SMURF2: variants seen among roughly 807,000 people sequenced by gnomAD.
SMURF2 encodes E3 ubiquitin-protein ligase SMURF2.
Under a neutral mutation model 109.6 loss-of-function variants are expected in SMURF2, and 48 were observed. That is an observed-to-expected ratio of 0.44 (90% CI 0.35 to 0.56). The LOEUF (loss-of-function observed/expected upper bound fraction) is 0.56. Ranked by LOEUF, SMURF2 falls within the 20% of genes least tolerant of loss-of-function variation. SMURF2 has a pLI of 0.01. For missense variants in SMURF2, 575 were observed against 909.0 expected, an observed-to-expected ratio of 0.63 and a Z score of 4.72; for synonymous variants, 288 against 317.1, an observed-to-expected ratio of 0.91 and a Z score of 0.97.
At chr17:64,657,968 A>G (rs148905653) in intron 1 of SMURF2, among the ~76,000 whole-genome samples, 9 of 152,260 alleles carry the variant, frequency 5.9e-5, no homozygotes, top group African/African-American at 1.2e-4. Context: ...TTTAAAAGAA[A>G]AGGAAGGAGC....
chr17:64,632,436 C>T (rs1970364158), intron 1 of SMURF2, among the ~76,000 whole-genome samples: 1 of 152,168 alleles, frequency 6.6e-6, no homozygotes, highest in Admixed American at 6.5e-5. Flanking sequence ...CTCCTAACAT[C>T]AACCCTCCCA....
intron 10 of SMURF2, among the ~76,000 whole-genome samples, chr17:64,569,629 A>G (rs1969370632): frequency 6.6e-6 from 1 of 152,184 alleles, no homozygotes; most frequent in South Asian, 2.1e-4. Context: ...ATTCAAGTTA[A>G]AGTTACAATG....
intron 7 of SMURF2, among the ~76,000 whole-genome samples, chr17:64,582,409 T>A (rs184275990): frequency 3.4e-4 from 52 of 152,294 alleles, no homozygotes; most frequent in Admixed American, 4.6e-4. Context: ...AGAAGGGGAT[T>A]CAGCCACATA....
intron 1 of SMURF2, among the ~76,000 whole-genome samples, chr17:64,610,891 C>A (rs1970034752): frequency 6.6e-6 from 1 of 152,182 alleles, no homozygotes; most frequent in Non-Finnish European, 1.5e-5. Context: ...GCCCTGGAGA[C>A]CTAATTACCA....
Position 64,561,661 on chromosome 17 carries a change from A to C in SMURF2, c.1213-58T>G, listed in dbSNP as rs148916553. 2,187 of 1,302,290 alleles carry C rather than the reference A, an allele frequency of 1.7e-3. 12 individuals carry two copies. In the African/African-American group the frequency reaches 0.017, roughly 10 times the overall value. 80.7% of individuals were successfully genotyped at this position (1,302,290 alleles called of 1,614,324 possible). ...ATTAGGTCCTTTTAGCCTATTACTTAATCTCTCCCTGCCAATCCATCCAAA... is the reference window on the plus strand; with the variant it reads ...ATTAGGTCCTTTTAGCCTATTACTTCATCTCTCCCTGCCAATCCATCCAAA... On this transcript the variant is annotated intron_variant, in intron 11 of 18. Coordinates refer to ENST00000262435, the MANE Select transcript of SMURF2 (RefSeq NM_022739.4).
At chr17:64,651,711 C>T (rs1970642958) in intron 1 of SMURF2, among the ~76,000 whole-genome samples, 1 of 151,494 alleles carries the variant, frequency 6.6e-6, no homozygotes, top group Non-Finnish European at 1.5e-5. Context: ...TCACTTGAGG[C>T]CAGGAGTTCA....
chr17:64,570,062 G>A (rs1190001714), intron 10 of SMURF2, among the ~76,000 whole-genome samples: 1 of 152,086 alleles, frequency 6.6e-6, no homozygotes, highest in Non-Finnish European at 1.5e-5. Context: ...GAGACTGCCA[G>A]GATAATTATA....
chr17:64,572,024 G>T, intron 9 of SMURF2, 68 bp from the exon 10 acceptor site: 1 of 1,339,454 alleles, frequency 7.5e-7, no homozygotes, highest in Non-Finnish European at 1.0e-6. Context: ...AAGTGTAAAT[G>T]ACACAGAACA....
rs1970789889 is a variant in SMURF2 at position 64,662,079 on chromosome 17, C to T, written c.-199G>A. On this transcript the variant is annotated 5_prime_UTR_variant, in exon 1 of 19. In the 5' UTR this introduces an upstream ATG that the reference lacks. Coordinates refer to ENST00000262435, the MANE Select transcript of SMURF2 (RefSeq NM_022739.4). The stretch of plus-strand genomic sequence containing the variant: ...GACGCCGAGCTCCCCCCTCCTCCCA[C>T]TTCTCCTTCCTCGGCCCGGGCCGCA... The T allele has an allele frequency of 9.2e-7, 1 of 1,084,536 alleles. No individual in the cohort carries two copies. Among genetic ancestry groups the T allele is most frequent in the Non-Finnish European group, 1.1e-6 (1 of 893,992 alleles). The allele number at this position is 1,084,536 out of a possible 1,614,324, so 67.2% of individuals were successfully genotyped here.
At chr17:64,643,987 G>T (rs1970523515) in intron 1 of SMURF2, among the ~76,000 whole-genome samples, 1 of 151,824 alleles carries the variant, frequency 6.6e-6, no homozygotes. Flanking sequence ...CACCAAGCCT[G>T]GCTAATTTTT....
At chr17:64,605,756 T>C (rs1429753218) in intron 2 of SMURF2, among the ~76,000 whole-genome samples, 2 of 139,762 alleles carry the variant, frequency 1.4e-5, no homozygotes, top group African/African-American at 5.3e-5. Flanking sequence ...TATATATATA[T>C]ATATATATAT....
At chr17:64,548,333 T>C (rs1555683314) in intron 16 of SMURF2, among the ~76,000 whole-genome samples, 1 of 152,106 alleles carries the variant, frequency 6.6e-6, no homozygotes, top group Non-Finnish European at 1.5e-5. Flanking sequence ...AAGCAACCGA[T>C]AATGCACAGA....
In SMURF2 at chr17:64,648,043, T is replaced by TGA. The variant is rs1289550159; in HGVS notation, c.52+13784_52+13785dup. Among the ~76,000 whole-genome samples, 5 of 100,536 alleles carry TGA rather than the reference T, an allele frequency of 5.0e-5. No homozygotes were observed. The Admixed American group carries it at 5.0e-4, about 10-fold the overall frequency. 66.0% of individuals were successfully genotyped at this position (100,536 alleles called of 152,430 possible). A position where few individuals can be genotyped will look rare whatever the true frequency, so the allele number is the denominator to read the frequency against. On this transcript the variant is annotated intron_variant, in intron 1 of 18. Coordinates refer to ENST00000262435, the MANE Select transcript of SMURF2 (RefSeq NM_022739.4). Reference sequence around the variant, plus strand: ...CTGCACTCCAGCCTGGGCAACACAGTGAGACCCTATCTCTTAAAAAAAAAA... The same window carrying TGA: ...CTGCACTCCAGCCTGGGCAACACAGTGAGAGACCCTATCTCTTAAAAAAAAAA...
chr17:64,642,046 A>G (rs782707125), intron 1 of SMURF2, among the ~76,000 whole-genome samples: 1 of 152,192 alleles, frequency 6.6e-6, no homozygotes, highest in Non-Finnish European at 1.5e-5. Flanking sequence ...AGCTCAGGCA[A>G]TCTGCCCGAC....
chr17:64,589,514 C>G, intron 5 of SMURF2, among the ~76,000 whole-genome samples: 1 of 151,690 alleles, frequency 6.6e-6, no homozygotes, highest in Non-Finnish European at 1.5e-5. Context: ...GGTCCAGGGT[C>G]TGTTAGGAAC....
At chr17:64,577,701 T>A (rs576750673) in intron 9 of SMURF2, among the ~76,000 whole-genome samples, 3 of 150,780 alleles carry the variant, frequency 2.0e-5, no homozygotes, top group African/African-American at 7.3e-5. Context: ...GCTCAAGCAA[T>A]CCTCTTGCCT....
chr17:64,636,741 T>C (rs1027393318), intron 1 of SMURF2, among the ~76,000 whole-genome samples: 10 of 151,148 alleles, frequency 6.6e-5, no homozygotes, highest in Non-Finnish European at 1.2e-4. Context: ...ATCATGCTGC[T>C]GCACTCCTGC....
chr17:64,578,301 G>A (rs570548057), intron 9 of SMURF2, among the ~76,000 whole-genome samples, 191 bp downstream of exon 9: 11 of 152,128 alleles, frequency 7.2e-5, no homozygotes, highest in African/African-American at 2.7e-4. Context: ...GGTGAGGGAG[G>A]GGAGAACTGA....
intron 12 of SMURF2, among the ~76,000 whole-genome samples, chr17:64,558,107 T>C (rs767938291): frequency 6.2e-4 from 95 of 152,150 alleles, no homozygotes; most frequent in Non-Finnish European, 1.2e-3. Context: ...TATTTCAAAA[T>C]GTCCATGTGA....
Sources: allele counts gnomAD v4.1 joint callset (sites outside exome capture counted in the v4.1 genomes callset), GRCh38; gene constraint gnomAD v4.1.1; transcripts MANE v1.5; gene names NCBI Gene and HGNC (gene_info 2026-07-23, HGNC 2026-07-21).